The following UNC13C variants were observed in gnomAD, a reference collection of about 807,000 sequenced individuals.
UNC13C encodes the protein unc-13 homolog C.
Under a neutral mutation model 245.4 loss-of-function variants are expected in UNC13C, and 174 were observed. The ratio of observed to expected loss-of-function variants is 0.71; its 90% CI spans 0.63 to 0.80. The LOEUF (loss-of-function observed/expected upper bound fraction) is 0.80, where lower values mean the gene tolerates loss of function less well. UNC13C is among the 30% of genes least tolerant of loss of function. UNC13C has a pLI of 0.00. For synonymous variants in UNC13C, 992 were observed against 895.1 expected, an observed-to-expected ratio of 1.11 and a Z score of -1.93; for missense variants, 2,829 against 2,602.9, an observed-to-expected ratio of 1.09 and a Z score of -1.89.
chr15:54,098,865 T>C (rs1235368500), intron 2 of UNC13C, among the ~76,000 whole-genome samples: 1 of 152,178 alleles, frequency 6.6e-6, no homozygotes, highest in Non-Finnish European at 1.5e-5. Context: ...TAAAGGACAT[T>C]TTCATTCCCT....
intron 2 of UNC13C, among the ~76,000 whole-genome samples, chr15:54,080,931 G>C (rs1898907199): frequency 6.6e-6 from 1 of 151,748 alleles, no homozygotes; most frequent in Non-Finnish European, 1.5e-5. Flanking sequence ...CTTTCTTTTT[G>C]GTGTAGGCAT....
chr15:54,371,179 C>T (rs2039478427), intron 17 of UNC13C, among the ~76,000 whole-genome samples: 1 of 152,266 alleles, frequency 6.6e-6, no homozygotes, highest in South Asian at 2.1e-4. Context: ...CACCCAAACT[C>T]CTACCCCTGC....
chr15:54,185,986 A>G (rs1351833714), intron 4 of UNC13C, among the ~76,000 whole-genome samples: 1 of 151,680 alleles, frequency 6.6e-6, no homozygotes, highest in Non-Finnish European at 1.5e-5. Context: ...GGTCCTTCAC[A>G]TCCCTTGTAA....
chr15:54,344,158 A>T (rs147780650), intron 17 of UNC13C, among the ~76,000 whole-genome samples: 1 of 152,314 alleles, frequency 6.6e-6, no homozygotes, highest in Non-Finnish European at 1.5e-5. Context: ...TCAAAGAGAG[A>T]ATCTTTATCA....
the UNC13C span, among the ~76,000 whole-genome samples, chr15:53,969,414 T>C: frequency 2.0e-5 from 3 of 152,114 alleles, no homozygotes; most frequent in African/African-American, 7.2e-5. Context: ...AATTTAAAAA[T>C]TGTTGTAAAC....
At chr15:54,411,154 T>C (rs951987493) in intron 18 of UNC13C, among the ~76,000 whole-genome samples, 1 of 152,214 alleles carries the variant, frequency 6.6e-6, no homozygotes, top group Admixed American at 6.5e-5. Flanking sequence ...TCTGCTGAAG[T>C]GTCATTCAAA....
rs201307722 is a variant in UNC13C at position 54,313,935 on chromosome 15, A to G, written c.4269-8004A>G. ...AAATGTACTATGTACTCACAATGGA[A>G]TACTTTTAGCCTTAAAAAAAAGAAT... On this transcript the variant is annotated intron_variant, in intron 13 of 32. Transcript: ENST00000260323. Among the ~76,000 whole-genome samples, 7 of 144,150 alleles carry G rather than the reference A, an allele frequency of 4.9e-5. No individual in the cohort carries two copies. In the East Asian group the frequency reaches 1.4e-3, roughly 28 times the overall value. The allele number at this position is 144,150 out of a possible 152,430, so 94.6% of individuals were successfully genotyped here.
chr15:54,397,730 A>G (rs1431073423), intron 18 of UNC13C, among the ~76,000 whole-genome samples: 1 of 151,308 alleles, frequency 6.6e-6, no homozygotes, highest in East Asian at 1.9e-4. Flanking sequence ...TTCTTTGTTA[A>G]TTGGTTTCTA....
chr15:54,596,853 C>T (rs1899109936), intron 30 of UNC13C, among the ~76,000 whole-genome samples: 1 of 152,154 alleles, frequency 6.6e-6, no homozygotes, highest in Non-Finnish European at 1.5e-5. Context: ...ATAAAAACTC[C>T]CAGAGGTCTC....
chr15:54,046,957 C>T (rs1166275331), intron 2 of UNC13C, among the ~76,000 whole-genome samples: 1 of 151,860 alleles, frequency 6.6e-6, no homozygotes, highest in Non-Finnish European at 1.5e-5. Flanking sequence ...TCCCTTTATC[C>T]CTTTATACGC....
chr15:54,575,703 CAT>C (rs1897932124), intron 30 of UNC13C, among the ~76,000 whole-genome samples: 1 of 152,190 alleles, frequency 6.6e-6, no homozygotes, highest in Non-Finnish European at 1.5e-5. Context: ...GATTTTAAAA[CAT>C]AGAAGTTATT....
intron 5 of UNC13C, 141 bp downstream of exon 5, chr15:54,235,249 T>C (rs1204587612): frequency 1.6e-5 from 9 of 578,780 alleles, no homozygotes; most frequent in Non-Finnish European, 2.7e-5. Context: ...TACCTGCTGT[T>C]ATATTTATTA....
At chr15:54,317,597 AT>A (rs1181852982) in intron 13 of UNC13C, among the ~76,000 whole-genome samples, 3 of 152,032 alleles carry the variant, frequency 2.0e-5, no homozygotes, top group African/African-American at 7.2e-5. Context: ...TTTCAAATTT[AT>A]TTAGTTTATT....
intron 4 of UNC13C, among the ~76,000 whole-genome samples, chr15:54,188,521 C>A (rs558271027): frequency 5.3e-5 from 8 of 152,078 alleles, no homozygotes; most frequent in African/African-American, 4.8e-5. Flanking sequence ...CGAAGTGGGA[C>A]GCTGCTAAAC....
At chr15:54,069,879 C>T (rs1898239463) in intron 2 of UNC13C, among the ~76,000 whole-genome samples, 1 of 152,210 alleles carries the variant, frequency 6.6e-6, no homozygotes, top group South Asian at 2.1e-4. Context: ...TTTCTCTTTC[C>T]TTGGCCACAG....
the UNC13C span, among the ~76,000 whole-genome samples, chr15:53,893,441 A>G: frequency 6.6e-6 from 1 of 152,278 alleles, no homozygotes; most frequent in East Asian, 1.9e-4. Flanking sequence ...AAATCTGCTG[A>G]AGCTGCACCC....
At chr15:54,500,729 T>C (rs1464242754) in intron 21 of UNC13C, 106 bp from the exon 22 acceptor site, 17 of 886,874 alleles carry the variant, frequency 1.9e-5, no homozygotes, top group African/African-American at 3.4e-5. Context: ...CTGGGAAATG[T>C]AAATATGTGA....
the UNC13C span, among the ~76,000 whole-genome samples, chr15:53,905,850 A>G: frequency 6.0e-3 from 914 of 152,310 alleles, 5 homozygotes; most frequent in African/African-American, 0.021. Flanking sequence ...CACAACATAT[A>G]TGTATCTCAA....
intron 15 of UNC13C, among the ~76,000 whole-genome samples, chr15:54,332,335 GTGTT>G (rs746814736): frequency 8.6e-5 from 13 of 151,448 alleles, no homozygotes; most frequent in African/African-American, 2.9e-4. Flanking sequence ...GTGTGTGTGT[GTGTT>G]TGTGTATGCA....
Sources: gnomAD v4.1 joint callset for allele counts (sites outside exome capture counted in the v4.1 genomes callset) on GRCh38, gnomAD v4.1.1 for gene constraint, MANE v1.5 for transcripts, NCBI Gene and HGNC (gene_info 2026-07-23, HGNC 2026-07-21) for gene names.